Variants in FREM1 observed in about 807,000 individuals in gnomAD.
FREM1 encodes FRAS1 related extracellular matrix 1.
In FREM1, 220 loss-of-function variants were observed where a neutral mutation model predicts 210.1. The ratio of observed to expected loss-of-function variants is 1.05; its 90% CI spans 0.94 to 1.17. The LOEUF (loss-of-function observed/expected upper bound fraction) is 1.17, where lower values mean the gene tolerates loss of function less well. FREM1 is among the 50% of genes most tolerant of loss of function. The pLI is 0.00. For synonymous variants in FREM1, 1,189 were observed against 980.2 expected (o/e 1.21, Z -3.98); for missense variants, 3,454 against 2,675.5 (o/e 1.29, Z -6.42).
rs370996033 is a variant in FREM1 at position 14,872,023 on chromosome 9, C to G, written c.-267-2779G>C. Among the ~76,000 whole-genome samples the G allele has an allele frequency of 7.2e-4, 110 of 152,240 alleles. 2 individuals carry two copies. The East Asian group carries it at 0.021, about 28-fold the overall frequency. ...GAGGGCTCTGTGCTGTTCCATTGAT[C>G]TATATCTCTGTTTTGGTACCAGTAC... On this transcript the variant is annotated intron_variant, in intron 1 of 36. Coordinates refer to ENST00000380880, the MANE Select transcript of FREM1 (RefSeq NM_001379081.2).
chr9:14,743,561 G>A (rs1841922597), intron 35 of FREM1, among the ~76,000 whole-genome samples: 1 of 151,994 alleles, frequency 6.6e-6, no homozygotes. Context: ...AATACTTACT[G>A]TCCTTATTTT....
At position 14,824,956 on chromosome 9, in the gene FREM1, G is replaced by A. The variant is rs746632065; in HGVS notation, c.1918C>T (p.Leu640Phe). The A allele has an allele frequency of 3.7e-5, 59 of 1,604,982 alleles. No homozygotes were observed. The highest frequency in any genetic ancestry group is 4.8e-5 in the Non-Finnish European group (56 of 1,177,852). ...GAAACTCCAGGAGCCTCTTTTGGAA[G>A]CTGGTCATCCACTGGAGTTATATGG... is the stretch of plus-strand genomic sequence containing the variant. Reference protein sequence around the residue: ...TIHITPVDDQLPKEAPGVSRH... With the variant: ...TIHITPVDDQFPKEAPGVSRH... Residue 640 changes from leucine (L) to phenylalanine (F), a missense_variant, in exon 11 of 37, where the codon CTT becomes TTT. Coordinates refer to ENST00000380880, the MANE Select transcript of FREM1 (RefSeq NM_001379081.2).
At chr9:14,814,731 G>A (rs1260993761) in intron 15 of FREM1, among the ~76,000 whole-genome samples, 1 of 152,046 alleles carries the variant, frequency 6.6e-6, no homozygotes, top group Non-Finnish European at 1.5e-5. Context: ...AAGAGTCTCA[G>A]CTTTCAAATG....
At chr9:14,896,868 A>C (rs1251239034) in intron 1 of FREM1, among the ~76,000 whole-genome samples, 1 of 152,248 alleles carries the variant, frequency 6.6e-6, no homozygotes, top group Non-Finnish European at 1.5e-5. Context: ...TCAGACATTC[A>C]GAAAACTATT....
At position 14,869,065 on chromosome 9, in the gene FREM1, A is replaced by C. The variant is rs114845933; in HGVS notation, c.-88T>G. ...GTGCTTCCTCCTGGAGGGTCAGCTCATAGTCCAAGGGGCAGGGTGAGGGGT... is the reference window on the plus strand; with the variant it reads ...GTGCTTCCTCCTGGAGGGTCAGCTCCTAGTCCAAGGGGCAGGGTGAGGGGT... On this transcript the variant is annotated 5_prime_UTR_variant, in exon 2 of 37. The change abolishes an upstream ATG in the 5' untranslated region. Coordinates refer to ENST00000380880, the MANE Select transcript of FREM1 (RefSeq NM_001379081.2). The C allele has an allele frequency of 1.9e-3, 1,667 of 875,048 alleles. 16 individuals are homozygous for C. The African/African-American group carries it at 0.022, about 12-fold the overall frequency. The allele number at this position is 875,048 out of a possible 1,614,324, so 54.2% of individuals were successfully genotyped here.
At chr9:14,737,687 T>C in intron 36 of FREM1, 92 bp from the exon 37 acceptor site, 4 of 1,046,142 alleles carry the variant, frequency 3.8e-6, no homozygotes, top group South Asian at 2.3e-5. Flanking sequence ...AGTTATCACA[T>C]GCAAGTGTGG....
intron 16 of FREM1, among the ~76,000 whole-genome samples, chr9:14,810,155 G>A (rs928835884): frequency 6.6e-6 from 1 of 152,010 alleles, no homozygotes; most frequent in African/African-American, 2.4e-5. Context: ...AGATAAGGTA[G>A]AACATTGGGA....
At chr9:14,747,089 ACTTAAGGAAAGTTG>A in intron 33 of FREM1, 38 bp from the exon 34 acceptor site, 1 of 1,612,434 alleles carries the variant, frequency 6.2e-7, no homozygotes, top group Non-Finnish European at 8.5e-7. Flanking sequence ...TTTAGAATTG[ACTTAAGGAAAGTTG>A]CTCACACATT....
intron 10 of FREM1, among the ~76,000 whole-genome samples, chr9:14,834,064 G>T (rs563272167): frequency 6.6e-6 from 1 of 152,202 alleles, no homozygotes. Flanking sequence ...AGTTTTGGGA[G>T]TATCAGAAAT....
intron 1 of FREM1, among the ~76,000 whole-genome samples, chr9:14,872,536 T>TG (rs1564137002): frequency 6.6e-6 from 1 of 152,232 alleles, no homozygotes; most frequent in East Asian, 1.9e-4. Context: ...GAGACTTTGC[T>TG]GAAGTTGCTT....
At chr9:14,861,286 C>CACATATATATACATATATACACAT (rs1437141957) in intron 3 of FREM1, among the ~76,000 whole-genome samples, 1 of 93,592 alleles carries the variant, frequency 1.1e-5, no homozygotes, top group African/African-American at 5.4e-5. Context: ...TACATATATA[C>CACATATATATACATATATACACAT]ATATATACAT....
intron 16 of FREM1, among the ~76,000 whole-genome samples, chr9:14,811,333 C>A (rs1171742156): frequency 6.6e-6 from 1 of 152,132 alleles, no homozygotes; most frequent in Non-Finnish European, 1.5e-5. Context: ...GCACTTAGAA[C>A]AAGGCACTGG....
At chr9:14,788,319 C>T (rs1850727196) in intron 23 of FREM1, among the ~76,000 whole-genome samples, 1 of 152,132 alleles carries the variant, frequency 6.6e-6, no homozygotes, top group Admixed American at 6.6e-5. Flanking sequence ...CCATTTAACT[C>T]TCCCCCATTC....
rs147227706 is a variant in FREM1 at position 14,765,216 on chromosome 9, C to T, written c.5204+4508G>A. ...ATTCATAGATGATGCTATTAAACTC[C>T]GTAATCGAATGCTATGAACACCTGT... On this transcript the variant is annotated intron_variant, in intron 27 of 36. Transcript: ENST00000380880. 1.2e-4 allele frequency among the ~76,000 whole-genome samples: 19 copies of T among 152,254 alleles called. 1 individual carries two copies. In the East Asian group the frequency reaches 3.1e-3, roughly 25 times the overall value.
chr9:14,737,863 A>T (rs1840683926), intron 36 of FREM1, among the ~76,000 whole-genome samples: 1 of 152,216 alleles, frequency 6.6e-6, no homozygotes, highest in Admixed American at 6.5e-5. Flanking sequence ...AGGAATGGGC[A>T]TAAAAATAGT....
chr9:14,899,681 C>T (rs1338216342), intron 1 of FREM1, among the ~76,000 whole-genome samples: 1 of 152,112 alleles, frequency 6.6e-6, no homozygotes, highest in African/African-American at 2.4e-5. Context: ...TTAGAGTCTC[C>T]AAGACACAAA....
In FREM1 at chr9:14,841,579, G is replaced by T; in HGVS notation, c.1749C>A (p.Val583=). Residue 583 remains valine (V), a synonymous_variant, in exon 10 of 37, where the codon GTC becomes GTA. Coordinates refer to ENST00000380880, the MANE Select transcript of FREM1 (RefSeq NM_001379081.2). The stretch of plus-strand genomic sequence containing the variant: ...ACAAATCCCTCTGAAGGAAGCCATG[G>T]ACAGGATAGCCTATTGGGTCCATAA... ...KPGPGLIGYP[V]HGFLQRDLFN... is the part of the protein sequence containing the mutation. 1.2e-6 allele frequency: 2 copies of T among 1,604,536 alleles called. No individual in the cohort carries two copies. The highest frequency in any genetic ancestry group is 1.7e-6 in the Non-Finnish European group (2 of 1,173,252).
chr9:14,842,954 T>C (rs1375436117), intron 8 of FREM1, among the ~76,000 whole-genome samples: 1 of 152,214 alleles, frequency 6.6e-6, no homozygotes, highest in Non-Finnish European at 1.5e-5. Flanking sequence ...TCAACTTAAC[T>C]GGGCTAAGGA....
chr9:14,830,898 T>C (rs930215589), intron 10 of FREM1, among the ~76,000 whole-genome samples: 2 of 152,202 alleles, frequency 1.3e-5, no homozygotes, highest in Non-Finnish European at 2.9e-5. Flanking sequence ...AAATCTGTTC[T>C]GTCATTCTGA....
Sources: gnomAD v4.1 joint callset for allele counts (sites outside exome capture counted in the v4.1 genomes callset) on GRCh38, gnomAD v4.1.1 for gene constraint, MANE v1.5 for transcripts, NCBI Gene and HGNC (gene_info 2026-07-23, HGNC 2026-07-21) for gene names.